The following ABCC9 variants were observed in gnomAD, a reference collection of about 807,000 sequenced individuals.
ABCC9 encodes ATP binding cassette subfamily C member 9.
ABCC9 carries 95 observed loss-of-function variants against 188.3 expected under a neutral mutation model. That is an observed-to-expected ratio of 0.50 (90% CI 0.43 to 0.60). ABCC9 has a LOEUF of 0.60. Ranked by LOEUF, ABCC9 falls within the 20% of genes least tolerant of loss-of-function variation. The pLI, the probability that ABCC9 is intolerant of heterozygous loss-of-function variation, is 0.00. For synonymous variants in ABCC9, 659 were observed against 652.7 expected, an observed-to-expected ratio of 1.01 and a Z score of -0.15; for missense variants, 1,102 against 1,876.3, an observed-to-expected ratio of 0.59 and a Z score of 7.62.
intron 29 of ABCC9, among the ~76,000 whole-genome samples, chr12:21,841,346 C>T (rs2544450): frequency 0.27 from 8,860 of 32,688 alleles, 1,374 homozygotes; most frequent in African/African-American, 0.45. Context: ...TTTCTGGTTT[C>T]CTTTTTTTTT....
At chr12:21,826,610 G>T (rs1237512281) in intron 31 of ABCC9, among the ~76,000 whole-genome samples, 1 of 152,186 alleles carries the variant, frequency 6.6e-6, no homozygotes, top group African/African-American at 2.4e-5. Flanking sequence ...ACTCAGAAGA[G>T]CAGAGCGACA....
chr12:21,809,815 A>G (rs752851561), intron 37 of ABCC9, 37 bp downstream of exon 37: 12 of 1,218,450 alleles, frequency 9.8e-6, no homozygotes, highest in African/African-American at 1.5e-5. Flanking sequence ...GATTAATGGC[A>G]TATATAAAAA....
chr12:21,901,001 G>T (rs555430441), intron 12 of ABCC9, among the ~76,000 whole-genome samples: 3 of 152,148 alleles, frequency 2.0e-5, no homozygotes, highest in Non-Finnish European at 4.4e-5. Context: ...ACACATAATT[G>T]TCAGATTCAC....
chr12:21,912,785 A>G (rs562862557), intron 8 of ABCC9, 87 bp downstream of exon 8: 66 of 1,360,158 alleles, frequency 4.9e-5, no homozygotes, highest in Admixed American at 9.1e-5. Context: ...CTATTTGAAC[A>G]ACTCATAAAA....
At chr12:21,840,206 C>T (rs61926069) in intron 29 of ABCC9, among the ~76,000 whole-genome samples, 3,506 of 152,188 alleles carry the variant, frequency 0.023, 54 homozygotes, top group Non-Finnish European at 0.039. Flanking sequence ...TAGCTAGTTT[C>T]CCACTTAAGT....
chr12:21,858,424 A>T (rs999471079), intron 22 of ABCC9, among the ~76,000 whole-genome samples: 7 of 152,010 alleles, frequency 4.6e-5, no homozygotes, highest in African/African-American at 4.8e-5. Flanking sequence ...AAATAAAAAA[A>T]AAAAAATAGC....
chr12:21,903,802 C>A (rs1203726902), intron 12 of ABCC9, among the ~76,000 whole-genome samples: 1 of 152,192 alleles, frequency 6.6e-6, no homozygotes, highest in African/African-American at 2.4e-5. Flanking sequence ...AATGGAAGAA[C>A]ATTCCATGCT....
intron 5 of ABCC9, among the ~76,000 whole-genome samples, chr12:21,918,794 A>T (rs1034065537): frequency 2.6e-5 from 4 of 152,108 alleles, no homozygotes; most frequent in South Asian, 2.1e-4. Flanking sequence ...TAGTGGCTAG[A>T]ACCCAGGCAC....
At chr12:21,873,256 G>T (rs1423868841) in intron 17 of ABCC9, among the ~76,000 whole-genome samples, 1 of 151,800 alleles carries the variant, frequency 6.6e-6, no homozygotes, top group African/African-American at 2.4e-5. Flanking sequence ...AAAATTACTG[G>T]GTTTATTCCT....
intron 37 of ABCC9, among the ~76,000 whole-genome samples, chr12:21,807,686 G>A (rs1264677289): frequency 6.6e-6 from 1 of 152,178 alleles, no homozygotes; most frequent in African/African-American, 2.4e-5. Flanking sequence ...ATGACAATAG[G>A]TAGTGAATTA....
intron 12 of ABCC9, among the ~76,000 whole-genome samples, chr12:21,896,440 C>T (rs953687546): frequency 6.6e-6 from 1 of 152,074 alleles, no homozygotes; most frequent in African/African-American, 2.4e-5. Context: ...CATTGTCACC[C>T]TATTATATTT....
intron 13 of ABCC9, among the ~76,000 whole-genome samples, chr12:21,894,545 G>A (rs1394493905): frequency 4.2e-5 from 3 of 71,934 alleles, no homozygotes; most frequent in African/African-American, 1.7e-4. Flanking sequence ...ATGTTCTGTT[G>A]TTTTGGGGTC....
chr12:21,845,866 T>C (rs770140011), intron 25 of ABCC9, 34 bp from the exon 26 acceptor site: 78 of 1,467,234 alleles, frequency 5.3e-5, no homozygotes, highest in Non-Finnish European at 7.4e-5. Flanking sequence ...AAGCTTCAGA[T>C]GGGCACCGGC....
rs61211269 is a variant in ABCC9 at position 21,834,786 on chromosome 12, TACACACAC to T, written c.3566+3284_3566+3291del. ...TATACATATAGCATATATAACATTATACACACACACACACACACACACACACACACACA... is the reference window on the plus strand; with the variant it reads ...TATACATATAGCATATATAACATTATACACACACACACACACACACACACA... On this transcript the variant is annotated intron_variant, in intron 30 of 39. Transcript: ENST00000261200. Among the ~76,000 whole-genome samples, 509 of 141,570 alleles carry T rather than the reference TACACACAC, an allele frequency of 3.6e-3. 4 individuals are homozygous for T. The highest frequency in any genetic ancestry group is 0.011 in the African/African-American group (409 of 38,270). 92.9% of individuals were successfully genotyped at this position (141,570 alleles called of 152,430 possible).
At chr12:21,827,407 G>T in intron 31 of ABCC9, 2 of 689,762 alleles carry the variant, frequency 2.9e-6, no homozygotes, top group Non-Finnish European at 3.6e-6. Context: ...TTCAAGTTCA[G>T]GAAAACCAGA....
At chr12:21,893,917 G>T (rs1345692940) in intron 14 of ABCC9, 115 bp downstream of exon 14, 1 of 1,037,468 alleles carries the variant, frequency 9.6e-7, no homozygotes, top group Non-Finnish European at 1.4e-6. Flanking sequence ...TTTAACAATG[G>T]TTGTCTCCTG....
intron 25 of ABCC9, among the ~76,000 whole-genome samples, chr12:21,846,105 T>C (rs1471542415): frequency 6.6e-6 from 1 of 152,192 alleles, no homozygotes; most frequent in Non-Finnish European, 1.5e-5. Flanking sequence ...GGAAGAAACT[T>C]ACAAAGTTAT....
Position 21,910,325 on chromosome 12 carries a change from A to C in ABCC9, c.1165-13T>G. On this transcript the variant is annotated splice_polypyrimidine_tract_variant and intron_variant, in intron 9 of 39. Transcript: ENST00000261200. ...TATAAATCATGGCCTACCAAAAAAA[A>C]AAAAAAGAGTACATAAAGCTCTAAA... 6.3e-7 allele frequency: 1 copy of C among 1,586,160 alleles called. No homozygotes were observed. Among genetic ancestry groups the C allele is most frequent in the Non-Finnish European group, 8.6e-7 (1 of 1,167,806 alleles).
chr12:21,905,766 T>C (rs1467665673), intron 12 of ABCC9, among the ~76,000 whole-genome samples: 1 of 152,260 alleles, frequency 6.6e-6, no homozygotes, highest in Admixed American at 6.6e-5. Context: ...ACCAACAATT[T>C]ATCCTAACTG....
Sources: allele counts gnomAD v4.1 joint callset (sites outside exome capture counted in the v4.1 genomes callset), GRCh38; gene constraint gnomAD v4.1.1; transcripts MANE v1.5; gene names NCBI Gene and HGNC (gene_info 2026-07-23, HGNC 2026-07-21).